The following CFAP20DC variants were observed in gnomAD, a reference collection of about 807,000 sequenced individuals.
CFAP20DC encodes the protein CFAP20 domain containing.
CFAP20DC carries 84 observed loss-of-function variants against 101.7 expected under a neutral mutation model. That is an observed-to-expected ratio of 0.83 (90% confidence interval 0.69 to 0.99). The LOEUF (loss-of-function observed/expected upper bound fraction) is 0.99, where lower values mean the gene tolerates loss of function less well. CFAP20DC is among the 50% of genes least tolerant of loss of function. The pLI, the probability that CFAP20DC is intolerant of heterozygous loss-of-function variation, is 0.00. For missense variants in CFAP20DC, 1,007 were observed against 970.3 expected (o/e 1.04, Z -0.50); for synonymous variants, 359 against 351.2 (o/e 1.02, Z -0.25).
At chr3:58,762,366 ATTTTT>A (rs1033243576) in intron 15 of CFAP20DC, among the ~76,000 whole-genome samples, 3 of 151,594 alleles carry the variant, frequency 2.0e-5, no homozygotes. Context: ...CAACCCCCGC[ATTTTT>A]TTGTTTTCCA....
At chr3:58,946,995 A>G (rs2089455500) in intron 4 of CFAP20DC, among the ~76,000 whole-genome samples, 1 of 152,238 alleles carries the variant, frequency 6.6e-6, no homozygotes. Flanking sequence ...CAGAGACATT[A>G]AGCAACTTGT....
chr3:58,908,665 T>C (rs560408245), intron 6 of CFAP20DC, among the ~76,000 whole-genome samples: 2 of 152,226 alleles, frequency 1.3e-5, no homozygotes, highest in South Asian at 2.1e-4. Context: ...TCCAAATGAG[T>C]TGAAAAGTGT....
At chr3:58,949,745 A>C (rs1254102664) in intron 4 of CFAP20DC, among the ~76,000 whole-genome samples, 1 of 152,192 alleles carries the variant, frequency 6.6e-6, no homozygotes, top group Non-Finnish European at 1.5e-5. Context: ...TCTCAATAAA[A>C]AATTAGGTTT....
rs1462634609 is a variant in CFAP20DC, at chr3:58,861,781, A to G, written c.1593+1777T>C. 1.0e-6 allele frequency: 1 copy of G among 985,484 alleles called. No individual in the cohort carries two copies. The highest frequency in any genetic ancestry group is 1.2e-6 in the Non-Finnish European group (1 of 829,956). 61.0% of individuals were successfully genotyped at this position (985,484 alleles called of 1,614,324 possible). On this transcript the variant is annotated intron_variant, in intron 12 of 16. Transcript: ENST00000482387. The surrounding 1 kb of genome is among the most constrained non-coding windows in gnomAD (Gnocchi z 4.0). Reference sequence around the variant, plus strand: ...GTGTTGGCAATGGGATGGTCTCACCACAGACTCTAGCCGTATGCTACTGGT... The same window carrying G: ...GTGTTGGCAATGGGATGGTCTCACCGCAGACTCTAGCCGTATGCTACTGGT...
chr3:58,880,278 T>A (rs2081133270), intron 7 of CFAP20DC, among the ~76,000 whole-genome samples: 1 of 152,176 alleles, frequency 6.6e-6, no homozygotes. Flanking sequence ...CATATGTAGG[T>A]AACTATCTTT....
chr3:58,913,900 T>G lies in CFAP20DC; in HGVS notation c.394-36A>C. ...GAGATGCAAAGAAGAGTAAGGACCT[T>G]TCATCAACACATAAATGAACAAACC... On this transcript the variant is annotated intron_variant, in intron 5 of 16. Transcript: ENST00000482387. The surrounding 1 kb of genome is among the most constrained non-coding windows in gnomAD (Gnocchi z 4.4). 6.2e-7 allele frequency: 1 copy of G among 1,606,836 alleles called. No homozygotes were observed. Among genetic ancestry groups the G allele is most frequent in the East Asian group, 2.2e-5 (1 of 44,804 alleles).
intron 3 of CFAP20DC, among the ~76,000 whole-genome samples, chr3:59,042,305 A>T (rs1319307057): frequency 6.6e-6 from 1 of 152,088 alleles, no homozygotes; most frequent in Non-Finnish European, 1.5e-5. Context: ...CGGGTTTGGC[A>T]AAGTAGAGAG....
At chr3:58,860,388 G>A (rs2079152488) in intron 12 of CFAP20DC, among the ~76,000 whole-genome samples, 2 of 152,120 alleles carry the variant, frequency 1.3e-5, no homozygotes, top group African/African-American at 4.8e-5. Flanking sequence ...TCTGCTGTTT[G>A]TATATTTATC....
intron 13 of CFAP20DC, 28 bp downstream of exon 13, chr3:58,849,004 A>G (rs1039456713): frequency 1.3e-6 from 2 of 1,526,066 alleles, no homozygotes; most frequent in East Asian, 2.5e-5. Flanking sequence ...TATTGCCGGC[A>G]TCTGTAAACC....
At chr3:58,973,818 G>C (rs1243794730) in intron 4 of CFAP20DC, among the ~76,000 whole-genome samples, 1 of 152,182 alleles carries the variant, frequency 6.6e-6, no homozygotes, top group East Asian at 1.9e-4. Flanking sequence ...AAAGGGGCAA[G>C]GGAAGGAACT....
chr3:58,919,667 C>T (rs2085128526), intron 5 of CFAP20DC, among the ~76,000 whole-genome samples: 1 of 152,178 alleles, frequency 6.6e-6, no homozygotes, highest in South Asian at 2.1e-4. Flanking sequence ...TGTAGGTCTT[C>T]TTCGATTTCT....
At position 58,830,088 on chromosome 3, in the gene CFAP20DC, A is replaced by G. The variant is rs543455585; in HGVS notation, c.2175+1598T>C. Among the ~76,000 whole-genome samples, 25 of 152,276 alleles carry G rather than the reference A, an allele frequency of 1.6e-4. No individual in the cohort carries two copies. The South Asian group carries it at 5.0e-3, about 30-fold the overall frequency. ...CAGATATTTTTCTGGGTGCGTGGATACTTTTTGGCACCAAGGCTGCCAGAG... is the reference window on the plus strand; with the variant it reads ...CAGATATTTTTCTGGGTGCGTGGATGCTTTTTGGCACCAAGGCTGCCAGAG... On this transcript the variant is annotated intron_variant, in intron 14 of 16. Transcript: ENST00000482387.
intron 4 of CFAP20DC, among the ~76,000 whole-genome samples, chr3:58,993,765 T>C (rs1345106790): frequency 6.6e-6 from 1 of 152,208 alleles, no homozygotes; most frequent in Non-Finnish European, 1.5e-5. Context: ...TATGATCTTG[T>C]TCCTTTTTAT....
chr3:58,822,312 AAAACAAAC>A (rs145291014), intron 14 of CFAP20DC, among the ~76,000 whole-genome samples: 141 of 138,500 alleles, frequency 1.0e-3, no homozygotes, highest in African/African-American at 3.8e-3. Flanking sequence ...AAATCATGAA[AAAACAAAC>A]AAACAAACAA....
chr3:58,942,579 C>G (rs376626549), intron 4 of CFAP20DC, among the ~76,000 whole-genome samples: 1 of 152,232 alleles, frequency 6.6e-6, no homozygotes, highest in Admixed American at 6.5e-5. Flanking sequence ...TTGCAACCCA[C>G]AAACCAGGAA....
chr3:59,032,513 G>C (rs542743989), intron 4 of CFAP20DC, among the ~76,000 whole-genome samples: 2 of 152,260 alleles, frequency 1.3e-5, no homozygotes, highest in East Asian at 3.9e-4. Flanking sequence ...CTTGGTGGGG[G>C]GAGGGGCATC....
intron 4 of CFAP20DC, among the ~76,000 whole-genome samples, chr3:59,037,902 T>G: frequency 6.6e-6 from 1 of 152,048 alleles, no homozygotes; most frequent in Non-Finnish European, 1.5e-5. Context: ...ATAGACTGGA[T>G]AAAGAAAATG....
intron 14 of CFAP20DC, among the ~76,000 whole-genome samples, chr3:58,811,095 G>A (rs1219669464): frequency 6.6e-6 from 1 of 152,108 alleles, no homozygotes; most frequent in Admixed American, 6.6e-5. Flanking sequence ...CTCATGGGTA[G>A]GAAGAATCAA....
At chr3:58,840,074 T>C (rs2076996364) in intron 13 of CFAP20DC, among the ~76,000 whole-genome samples, 1 of 152,204 alleles carries the variant, frequency 6.6e-6, no homozygotes, top group South Asian at 2.1e-4. Flanking sequence ...AGGAACAAGT[T>C]ACACCTGGAA....
Sources: gnomAD v4.1 joint callset for allele counts (sites outside exome capture counted in the v4.1 genomes callset) on GRCh38, gnomAD v4.1.1 for gene constraint, Gnocchi (gnomAD v3.1) non-coding constraint, MANE v1.5 for transcripts, NCBI Gene and HGNC (gene_info 2026-07-23, HGNC 2026-07-21) for gene names.